Variants in CHD9NB observed in about 807,000 individuals in gnomAD.
The protein encoded by CHD9NB is CHD9 neighbor protein.
the CHD9NB span, among the ~76,000 whole-genome samples, chr16:53,044,921 T>A: frequency 3.9e-5 from 6 of 152,152 alleles, no homozygotes; most frequent in Non-Finnish European, 8.8e-5. Context: ...CAACCTCTTA[T>A]ATTTTACTTT....
the CHD9NB span, chr16:53,035,947 A>AGAG: frequency 2.0e-5 from 3 of 151,658 alleles, no homozygotes; most frequent in Non-Finnish European, 4.4e-5. Flanking sequence ...CCTGTGTGAC[A>AGAG]GAGTGAGACC....
At chr16:53,038,016 T>G in the CHD9NB span, among the ~76,000 whole-genome samples, 1 of 152,166 alleles carries the variant, frequency 6.6e-6, no homozygotes, top group Non-Finnish European at 1.5e-5. Context: ...GGAAAGCCAG[T>G]GGTGTAATTC....
chr16:53,039,088 T>C, the CHD9NB span, among the ~76,000 whole-genome samples: 1 of 152,182 alleles, frequency 6.6e-6, no homozygotes, highest in East Asian at 1.9e-4. Context: ...CCCAACTCCA[T>C]CCTCTAAACA....
the CHD9NB span, chr16:53,043,736 G>T: frequency 6.7e-6 from 2 of 298,032 alleles, no homozygotes; most frequent in Non-Finnish European, 1.2e-5. Context: ...TCCAGAAGTT[G>T]CAGGAAAGTT....
the CHD9NB span, among the ~76,000 whole-genome samples, chr16:53,044,903 C>T: frequency 6.6e-6 from 1 of 152,154 alleles, no homozygotes; most frequent in Non-Finnish European, 1.5e-5. Flanking sequence ...CCCAAGTCAC[C>T]TGCCTTCCAA....
chr16:53,037,541 T>A, the CHD9NB span, among the ~76,000 whole-genome samples: 2 of 152,188 alleles, frequency 1.3e-5, no homozygotes, highest in African/African-American at 4.8e-5. Flanking sequence ...AAGGTCCTAG[T>A]GGGCTTTTTG....
chr16:53,037,227 C>A, the CHD9NB span, among the ~76,000 whole-genome samples: 1 of 152,214 alleles, frequency 6.6e-6, no homozygotes, highest in African/African-American at 2.4e-5. Context: ...AGCCACTGCG[C>A]CTGGCCTCAA....
the CHD9NB span, among the ~76,000 whole-genome samples, chr16:53,038,150 AAG>A: frequency 2.0e-5 from 3 of 152,168 alleles, no homozygotes; most frequent in Non-Finnish European, 4.4e-5. Flanking sequence ...AGCTCAAGAA[AAG>A]AGAGAGAATT....
At chr16:53,050,941 G>A in the CHD9NB span, among the ~76,000 whole-genome samples, 1 of 151,500 alleles carries the variant, frequency 6.6e-6, no homozygotes, top group East Asian at 2.0e-4. Context: ...AGGCTGGAGT[G>A]CAGTCGTGCG....
the CHD9NB span, among the ~76,000 whole-genome samples, chr16:53,039,871 C>A: frequency 1.9e-4 from 29 of 152,146 alleles, no homozygotes; most frequent in African/African-American, 6.0e-4. Flanking sequence ...ATCAGCCCCA[C>A]CCAATCATGT....
chr16:53,051,905 T>G, the CHD9NB span, among the ~76,000 whole-genome samples: 1 of 150,632 alleles, frequency 6.6e-6, no homozygotes, highest in South Asian at 2.1e-4. Flanking sequence ...TCAGGGCATG[T>G]GCCTTGGAAT....
chr16:53,049,990 C>T, the CHD9NB span, among the ~76,000 whole-genome samples: 1 of 152,044 alleles, frequency 6.6e-6, no homozygotes, highest in Non-Finnish European at 1.5e-5. Flanking sequence ...GATCACTTGA[C>T]GTCAGGAGTT....
the CHD9NB span, among the ~76,000 whole-genome samples, chr16:53,040,190 C>T: frequency 2.0e-5 from 3 of 152,220 alleles, no homozygotes; most frequent in South Asian, 6.2e-4. Context: ...GTGCGTCAGC[C>T]TCCAAAGTAG....
chr16:53,052,625 A>T, the CHD9NB span: 1 of 152,544 alleles, frequency 6.6e-6, no homozygotes, highest in African/African-American at 2.4e-5. Context: ...GTTGTAATCT[A>T]GGACTTTGCC....
At chr16:53,040,852 G>A in the CHD9NB span, among the ~76,000 whole-genome samples, 4 of 152,188 alleles carry the variant, frequency 2.6e-5, no homozygotes, top group Non-Finnish European at 4.4e-5. Flanking sequence ...ATAGATGAAT[G>A]GATGGAAAGA....
At chr16:53,051,823 G>A in the CHD9NB span, among the ~76,000 whole-genome samples, 1 of 126,494 alleles carries the variant, frequency 7.9e-6, no homozygotes, top group Non-Finnish European at 1.6e-5. Flanking sequence ...TGAGTACCTT[G>A]CCTATCCTGT....
the CHD9NB span, among the ~76,000 whole-genome samples, chr16:53,038,628 G>A: frequency 6.6e-5 from 10 of 152,168 alleles, no homozygotes; most frequent in African/African-American, 2.4e-4. Context: ...TGGGATTACA[G>A]GTGTGAGCCA....
chr16:53,036,259 G>A, the CHD9NB span, among the ~76,000 whole-genome samples: 1 of 152,114 alleles, frequency 6.6e-6, no homozygotes, highest in Non-Finnish European at 1.5e-5. Context: ...TTACCTTCCT[G>A]GTAGACCTTT....
At chr16:53,039,470 G>A in the CHD9NB span, among the ~76,000 whole-genome samples, 7 of 152,314 alleles carry the variant, frequency 4.6e-5, no homozygotes, top group African/African-American at 1.7e-4. Context: ...AGAAGGCTGG[G>A]CGCAGTGGCT....
Sources: allele counts gnomAD v4.1 joint callset (sites outside exome capture counted in the v4.1 genomes callset), GRCh38; gene constraint gnomAD v4.1.1; transcripts MANE v1.5; gene names NCBI Gene and HGNC (gene_info 2026-07-23, HGNC 2026-07-21).